Variants in TTLL11 observed in about 807,000 individuals in gnomAD.
TTLL11 encodes the protein tubulin polyglutamylase TTLL11.
TTLL11 carries 42 observed loss-of-function variants against 51.7 expected under a neutral mutation model. The ratio of observed to expected loss-of-function variants is 0.81; its 90% CI spans 0.64 to 1.05. The LOEUF (loss-of-function observed/expected upper bound fraction) is 1.05. Among genes scored for constraint, TTLL11 ranks in the 50% least tolerant of loss-of-function variants. The probability of loss-of-function intolerance (pLI) is 0.00; values close to 1 mark genes in which losing one functional copy is unlikely to be tolerated. For missense variants in TTLL11, 799 were observed against 940.4 expected (o/e 0.85, Z 1.97); for synonymous variants, 381 against 383.5 (o/e 0.99, Z 0.08).
chr9:121,909,205 G>A (rs1384330941), intron 6 of TTLL11, among the ~76,000 whole-genome samples: 2 of 152,132 alleles, frequency 1.3e-5, no homozygotes, highest in African/African-American at 4.8e-5. Flanking sequence ...AAGCCTGAGG[G>A]TTGTGACCAA....
intron 6 of TTLL11, among the ~76,000 whole-genome samples, chr9:121,919,813 AC>A (rs1440834306): frequency 6.7e-6 from 1 of 150,060 alleles, no homozygotes; most frequent in African/African-American, 2.5e-5. Flanking sequence ...GGAGTTCAAA[AC>A]CAGCCTGGGC....
chr9:121,969,550 G>T (rs1374565005), intron 6 of TTLL11, among the ~76,000 whole-genome samples: 1 of 152,138 alleles, frequency 6.6e-6, no homozygotes, highest in African/African-American at 2.4e-5. Context: ...TTTATCTTTA[G>T]TCTGTGTGAG....
At chr9:122,081,371 A>T (rs1846001021) in intron 1 of TTLL11, among the ~76,000 whole-genome samples, 1 of 152,236 alleles carries the variant, frequency 6.6e-6, no homozygotes. Flanking sequence ...TTTGCCATAC[A>T]TGTTACCTAT....
chr9:122,051,856 G>A (rs568901984), intron 1 of TTLL11, among the ~76,000 whole-genome samples: 1 of 152,220 alleles, frequency 6.6e-6, no homozygotes, highest in East Asian at 1.9e-4. Context: ...CTGGAGACTG[G>A]CTATCTTGGC....
chr9:122,070,388 G>A (rs1448004945), intron 1 of TTLL11, among the ~76,000 whole-genome samples: 2 of 152,118 alleles, frequency 1.3e-5, no homozygotes, highest in African/African-American at 4.8e-5. Context: ...GGGTGAGGCT[G>A]GCTAGGGAGG....
At chr9:122,019,024 G>A (rs1190755524) in intron 3 of TTLL11, among the ~76,000 whole-genome samples, 1 of 152,166 alleles carries the variant, frequency 6.6e-6, no homozygotes, top group African/African-American at 2.4e-5. Context: ...CTCCTCTTGG[G>A]TTTCCCATCT....
chr9:121,893,286 T>C (rs990393983), intron 6 of TTLL11, among the ~76,000 whole-genome samples: 23 of 151,860 alleles, frequency 1.5e-4, no homozygotes, highest in Non-Finnish European at 2.9e-4. Flanking sequence ...ATTGTTAACA[T>C]GTTGGTGTTT....
chr9:121,946,960 G>A (rs529553174), intron 6 of TTLL11, among the ~76,000 whole-genome samples: 114 of 152,134 alleles, frequency 7.5e-4, no homozygotes, highest in African/African-American at 2.6e-3. Flanking sequence ...GACCTCTGCC[G>A]CCTTCTCTGG....
At chr9:122,008,461 TG>T (rs1252514561) in intron 3 of TTLL11, among the ~76,000 whole-genome samples, 2 of 152,134 alleles carry the variant, frequency 1.3e-5, no homozygotes, top group African/African-American at 4.8e-5. Flanking sequence ...AAATGGCCAA[TG>T]GGATATGAAA....
At chr9:121,967,964 A>C (rs1842451591) in intron 6 of TTLL11, among the ~76,000 whole-genome samples, 1 of 152,212 alleles carries the variant, frequency 6.6e-6, no homozygotes, top group East Asian at 1.9e-4. Flanking sequence ...GACAGAAAGC[A>C]GACTGTTGGT....
chr9:121,829,240 C>T (rs1214955842), intron 8 of TTLL11, among the ~76,000 whole-genome samples: 2 of 152,052 alleles, frequency 1.3e-5, no homozygotes, highest in African/African-American at 4.8e-5. Context: ...AAGCGTGAGC[C>T]ACCGTGCCCA....
At chr9:121,963,288 T>G (rs1187874271) in intron 6 of TTLL11, among the ~76,000 whole-genome samples, 3 of 152,170 alleles carry the variant, frequency 2.0e-5, no homozygotes, top group African/African-American at 7.2e-5. Flanking sequence ...ATGAAGAAAC[T>G]GAACTCCAGA....
intron 6 of TTLL11, among the ~76,000 whole-genome samples, chr9:121,969,456 A>G (rs1842497787): frequency 1.3e-5 from 2 of 152,216 alleles, no homozygotes; most frequent in South Asian, 4.2e-4. Context: ...TGATGCATGC[A>G]CACGGGTCTG....
intron 6 of TTLL11, among the ~76,000 whole-genome samples, chr9:121,960,729 C>T (rs76356445): frequency 9.2e-5 from 14 of 152,288 alleles, no homozygotes; most frequent in African/African-American, 2.6e-4. Context: ...AGAGGCATGG[C>T]GCAGTCCGGG....
At chr9:121,834,808 C>T (rs1249744587) in intron 8 of TTLL11, among the ~76,000 whole-genome samples, 1 of 149,140 alleles carries the variant, frequency 6.7e-6, no homozygotes, top group East Asian at 2.0e-4. Flanking sequence ...GCCTGGGCGA[C>T]AGAGTGAGAC....
intron 2 of TTLL11, among the ~76,000 whole-genome samples, chr9:122,036,122 C>G (rs1844692717): frequency 6.6e-6 from 1 of 152,128 alleles, no homozygotes; most frequent in Admixed American, 6.5e-5. Flanking sequence ...CTCCGGACCC[C>G]CACAGCATTC....
chr9:121,826,801 G>A (rs1271015761), intron 8 of TTLL11, among the ~76,000 whole-genome samples: 1 of 151,868 alleles, frequency 6.6e-6, no homozygotes, highest in Non-Finnish European at 1.5e-5. Context: ...GGCAAAGTGG[G>A]CATGACAGTG....
intron 6 of TTLL11, among the ~76,000 whole-genome samples, chr9:121,971,022 G>C: frequency 6.8e-6 from 1 of 146,530 alleles, no homozygotes; most frequent in Admixed American, 6.8e-5. Flanking sequence ...GGGAGGTGGG[G>C]GGGTCAGCCC....
intron 6 of TTLL11, among the ~76,000 whole-genome samples, chr9:121,911,439 T>C (rs559151019): frequency 6.6e-6 from 1 of 152,270 alleles, no homozygotes; most frequent in South Asian, 2.1e-4. Context: ...TTACTGGGTA[T>C]ATACCCTAAG....
Sources: gnomAD v4.1 joint callset for allele counts (sites outside exome capture counted in the v4.1 genomes callset) on GRCh38, gnomAD v4.1.1 for gene constraint, MANE v1.5 for transcripts, NCBI Gene and HGNC (gene_info 2026-07-23, HGNC 2026-07-21) for gene names.